The following TEAD4 variants were observed in gnomAD, a reference collection of about 807,000 sequenced individuals.
The protein encoded by TEAD4 is transcriptional enhancer factor TEF-3.
A neutral mutation model predicts 52.4 loss-of-function variants in TEAD4; 36 were observed. The observed-to-expected ratio is 0.69, with a 90% confidence interval of 0.53 to 0.91. The LOEUF (loss-of-function observed/expected upper bound fraction) is 0.91, where lower values mean the gene tolerates loss of function less well. Ranked by LOEUF, TEAD4 falls within the 40% of genes least tolerant of loss-of-function variation. The probability of loss-of-function intolerance (pLI) is 0.00; values close to 1 mark genes in which losing one functional copy is unlikely to be tolerated. For missense variants in TEAD4, 508 were observed against 583.9 expected (o/e 0.87, Z 1.34); for synonymous variants, 220 against 231.0 (o/e 0.95, Z 0.43).
Position 2,999,849 on chromosome 12 carries a change from C to T in TEAD4, c.226+4857C>T, listed in dbSNP as rs371855382. Among the ~76,000 whole-genome samples, 217 of 152,320 alleles carry T rather than the reference C, an allele frequency of 1.4e-3. 2 individuals carry two copies. The highest frequency in any genetic ancestry group is 4.9e-3 in the African/African-American group (203 of 41,576). ...GTGCTGGCCGGGTGGGCTCGTGTCC[C>T]GCCTCCTGCTCTCTGGAGGGCTGTG... On this transcript the variant is annotated intron_variant, in intron 3 of 12. Transcript: ENST00000359864.
chr12:2,970,609 T>C (rs1049122176), intron 2 of TEAD4, among the ~76,000 whole-genome samples: 3 of 152,224 alleles, frequency 2.0e-5, no homozygotes, highest in Admixed American at 6.5e-5. Context: ...GAGTTACTGA[T>C]AGTCCACGTT....
chr12:2,987,805 C>A (rs985469578), intron 2 of TEAD4, among the ~76,000 whole-genome samples: 2 of 151,732 alleles, frequency 1.3e-5, no homozygotes, highest in Non-Finnish European at 2.9e-5. Flanking sequence ...GTGGCTCACA[C>A]CTGTAATCCC....
intron 2 of TEAD4, among the ~76,000 whole-genome samples, chr12:2,971,008 CTT>C (rs2098224521): frequency 6.6e-6 from 1 of 152,250 alleles, no homozygotes. Flanking sequence ...GCTCTCCTCT[CTT>C]GGCATCAGCT....
intron 3 of TEAD4, among the ~76,000 whole-genome samples, chr12:3,001,158 T>G (rs1321107365): frequency 1.3e-5 from 2 of 152,216 alleles, no homozygotes; most frequent in East Asian, 3.9e-4. Flanking sequence ...TGGGCTTCAT[T>G]TTCCTTTTGT....
At chr12:2,989,436 TTTG>T (rs1489426679) in intron 2 of TEAD4, among the ~76,000 whole-genome samples, 4 of 152,066 alleles carry the variant, frequency 2.6e-5, no homozygotes, top group African/African-American at 9.7e-5. Context: ...TTGCTATCAG[TTTG>T]TTGTTATTAT....
At chr12:3,010,296 C>T (rs1374939225) in intron 3 of TEAD4, among the ~76,000 whole-genome samples, 1 of 152,246 alleles carries the variant, frequency 6.6e-6, no homozygotes, top group Non-Finnish European at 1.5e-5. Context: ...TTTTTCAATA[C>T]TGGAAACCAT....
At chr12:3,030,826 G>A (rs968222416) in intron 10 of TEAD4, among the ~76,000 whole-genome samples, 37 of 152,140 alleles carry the variant, frequency 2.4e-4, no homozygotes, top group African/African-American at 8.0e-4. Flanking sequence ...CTGGGTGGAC[G>A]GTCATGGCCA....
chr12:2,981,719 C>T (rs1264574582), intron 2 of TEAD4, among the ~76,000 whole-genome samples: 2 of 152,082 alleles, frequency 1.3e-5, no homozygotes, highest in African/African-American at 2.4e-5. Flanking sequence ...TGAGGCCCAC[C>T]CTAAGCAGGG....
At chr12:3,010,527 C>T (rs1449719765) in intron 3 of TEAD4, among the ~76,000 whole-genome samples, 1 of 152,250 alleles carries the variant, frequency 6.6e-6, no homozygotes, top group African/African-American at 2.4e-5. Flanking sequence ...CCGCTGCTGC[C>T]TGCAGACAGG....
intron 2 of TEAD4, among the ~76,000 whole-genome samples, chr12:2,977,910 T>C (rs1404932555): frequency 1.3e-5 from 2 of 152,180 alleles, no homozygotes; most frequent in Non-Finnish European, 2.9e-5. Context: ...CCCTGGCCCT[T>C]CCGAAATCAC....
intron 2 of TEAD4, among the ~76,000 whole-genome samples, chr12:2,983,328 C>T (rs967581489): frequency 3.3e-5 from 5 of 152,254 alleles, no homozygotes; most frequent in East Asian, 1.9e-4. Flanking sequence ...ATCTCTCCTG[C>T]GGGACAGCCT....
chr12:3,016,301 T>C (rs960308744), intron 5 of TEAD4, among the ~76,000 whole-genome samples: 6 of 152,182 alleles, frequency 3.9e-5, no homozygotes, highest in Admixed American at 1.3e-4. Context: ...GAGCTGGGAT[T>C]ACAGGCATGA....
At chr12:2,962,156 G>T (rs905625557) in intron 2 of TEAD4, among the ~76,000 whole-genome samples, 1 of 149,040 alleles carries the variant, frequency 6.7e-6, no homozygotes, top group South Asian at 2.1e-4. Flanking sequence ...ACGGAGTCTC[G>T]CTCTGTCGCC....
intron 2 of TEAD4, among the ~76,000 whole-genome samples, chr12:2,981,614 A>G (rs557297822): frequency 1.1e-4 from 17 of 152,298 alleles, no homozygotes; most frequent in South Asian, 8.3e-4. Context: ...GAGCCCCATG[A>G]AGGTCTGGAC....
At chr12:2,960,198 T>C (rs1040061881) in intron 2 of TEAD4, 158 bp downstream of exon 2, 1 of 709,544 alleles carries the variant, frequency 1.4e-6, no homozygotes, top group African/African-American at 2.0e-5. Flanking sequence ...CAGGGGCGGG[T>C]AAGGGGGGTG....
At chr12:2,968,494 C>CTTTT (rs2153952535) in intron 2 of TEAD4, among the ~76,000 whole-genome samples, 1 of 150,604 alleles carries the variant, frequency 6.6e-6, no homozygotes, top group African/African-American at 2.4e-5. Flanking sequence ...ACCTCCCGCG[C>CTTTT]CCAAGTGATC....
chr12:3,039,893 G>T (rs1591604901), intron 11 of TEAD4, among the ~76,000 whole-genome samples: 1 of 152,158 alleles, frequency 6.6e-6, no homozygotes, highest in Non-Finnish European at 1.5e-5. Flanking sequence ...CACCATGTTG[G>T]CCAGGCTGGT....
intron 3 of TEAD4, among the ~76,000 whole-genome samples, chr12:3,009,198 CG>C (rs1263814623): frequency 1.3e-5 from 2 of 152,146 alleles, no homozygotes; most frequent in Non-Finnish European, 2.9e-5. Flanking sequence ...GAGGCTGATG[CG>C]GGTGGATCAC....
At chr12:3,015,598 C>T (rs1220363825) in intron 5 of TEAD4, among the ~76,000 whole-genome samples, 2 of 152,222 alleles carry the variant, frequency 1.3e-5, no homozygotes, top group South Asian at 2.1e-4. Flanking sequence ...GTGTGGACCG[C>T]GTGGAGGCAT....
Sources: gnomAD v4.1 joint callset for allele counts (sites outside exome capture counted in the v4.1 genomes callset) on GRCh38, gnomAD v4.1.1 for gene constraint, MANE v1.5 for transcripts, NCBI Gene and HGNC (gene_info 2026-07-23, HGNC 2026-07-21) for gene names.